Variants in PDE8A observed in about 807,000 individuals in gnomAD.
PDE8A encodes phosphodiesterase 8A.
A neutral mutation model predicts 105.0 loss-of-function variants in PDE8A; 59 were observed. The observed-to-expected ratio is 0.56, with a 90% CI of 0.46 to 0.70. The LOEUF is 0.70. Among genes scored for constraint, PDE8A ranks in the 30% least tolerant of loss-of-function variants. The probability of loss-of-function intolerance (pLI) is 0.00; values close to 1 mark genes in which losing one functional copy is unlikely to be tolerated. For synonymous variants in PDE8A, 355 were observed against 371.9 expected, an observed-to-expected ratio of 0.95 and a Z score of 0.52; for missense variants, 1,014 against 1,045.9, an observed-to-expected ratio of 0.97 and a Z score of 0.42.
At chr15:85,019,025 A>G (rs529856333) in intron 1 of PDE8A, among the ~76,000 whole-genome samples, 1 of 152,282 alleles carries the variant, frequency 6.6e-6, no homozygotes, top group East Asian at 1.9e-4. Context: ...CTAGCAGTAT[A>G]GTTACTTGGG....
At chr15:85,135,008 G>A (rs1284532582) in intron 20 of PDE8A, among the ~76,000 whole-genome samples, 2 of 152,194 alleles carry the variant, frequency 1.3e-5, no homozygotes, top group Non-Finnish European at 2.9e-5. Flanking sequence ...TGGGGGGAGA[G>A]AGATGCTGGG....
chr15:85,136,800 C>A, intron 21 of PDE8A, 137 bp downstream of exon 21: 1 of 799,654 alleles, frequency 1.3e-6, no homozygotes, highest in Non-Finnish European at 1.9e-6. Flanking sequence ...GAACCATCAC[C>A]GAGGGCCCCT....
intron 1 of PDE8A, among the ~76,000 whole-genome samples, chr15:85,057,045 C>G (rs145318392): frequency 1.7e-4 from 26 of 152,276 alleles, no homozygotes; most frequent in African/African-American, 6.0e-4. Context: ...CAGTCAGGAC[C>G]CTCAACTGCA....
At chr15:85,112,964 T>A (rs2082041162) in intron 12 of PDE8A, among the ~76,000 whole-genome samples, 1 of 152,164 alleles carries the variant, frequency 6.6e-6, no homozygotes, top group Admixed American at 6.5e-5. Flanking sequence ...TATTGGTGAG[T>A]TGAATGTATT....
chr15:85,079,625 G>T (rs1969101), intron 5 of PDE8A, among the ~76,000 whole-genome samples: 69,321 of 152,056 alleles, frequency 0.46, 15,866 homozygotes, highest in Middle Eastern at 0.54. Flanking sequence ...AGAAAGAATA[G>T]AAGCAGGCTG....
At chr15:85,082,863 A>G (rs1051338324) in intron 5 of PDE8A, among the ~76,000 whole-genome samples, 1 of 152,246 alleles carries the variant, frequency 6.6e-6, no homozygotes, top group African/African-American at 2.4e-5. Context: ...TGATGGTGGA[A>G]TGGGTCCATC....
chr15:84,993,626 C>T (rs993638558), intron 1 of PDE8A, among the ~76,000 whole-genome samples: 2 of 151,878 alleles, frequency 1.3e-5, no homozygotes, highest in Admixed American at 6.6e-5. Context: ...GCCTGTAAAT[C>T]CCAGCACTTT....
At chr15:85,084,994 T>C (rs2081528138) in intron 6 of PDE8A, among the ~76,000 whole-genome samples, 1 of 152,214 alleles carries the variant, frequency 6.6e-6, no homozygotes, top group Non-Finnish European at 1.5e-5. Flanking sequence ...ACCTGGATTA[T>C]TGAAACCACC....
intron 20 of PDE8A, among the ~76,000 whole-genome samples, chr15:85,128,029 T>TA (rs1464136384): frequency 7.7e-6 from 1 of 129,320 alleles, no homozygotes; most frequent in Non-Finnish European, 1.5e-5. Context: ...TAAGTGGTGT[T>TA]AGGATAATTG....
chr15:85,108,979 T>C (rs964144742), intron 11 of PDE8A, 74 bp from the exon 12 acceptor site: 1 of 1,063,138 alleles, frequency 9.4e-7, no homozygotes, highest in Non-Finnish European at 1.4e-6. Flanking sequence ...TTTAAAAAAA[T>C]TTTAGATTGG....
intron 20 of PDE8A, among the ~76,000 whole-genome samples, chr15:85,134,976 A>T (rs2082384689): frequency 6.6e-6 from 1 of 152,178 alleles, no homozygotes; most frequent in Non-Finnish European, 1.5e-5. Context: ...CAAGTGCCGG[A>T]GCTGGTGCCG....
chr15:85,042,160 GGTTT>G (rs2080820142), intron 1 of PDE8A, among the ~76,000 whole-genome samples: 1 of 151,938 alleles, frequency 6.6e-6, no homozygotes, highest in Non-Finnish European at 1.5e-5. Flanking sequence ...AAGACTCAGA[GGTTT>G]GTTTTTTGTT....
intron 1 of PDE8A, among the ~76,000 whole-genome samples, chr15:85,056,731 T>A (rs1318340568): frequency 1.3e-5 from 2 of 152,196 alleles, no homozygotes; most frequent in Non-Finnish European, 2.9e-5. Flanking sequence ...TCAAGGTTTT[T>A]AGCTTCTTTG....
chr15:85,044,396 A>T (rs1435180914), intron 1 of PDE8A, among the ~76,000 whole-genome samples: 1 of 152,200 alleles, frequency 6.6e-6, no homozygotes. Flanking sequence ...ACAGATAAAG[A>T]GTCTGGGAGA....
rs376582161 is a variant in PDE8A at position 85,138,051 on chromosome 15, CCTT to C, written c.*151_*153del. On this transcript the variant is annotated 3_prime_UTR_variant, in exon 22 of 22. Coordinates refer to ENST00000394553, the MANE Select transcript of PDE8A (RefSeq NM_002605.3). ...TGAAAGCCCACGGGGACATCAGTAACCTTCTGCAGCCACCATCCAATGCCATTA... is the reference window on the plus strand; with the variant it reads ...TGAAAGCCCACGGGGACATCAGTAACCTGCAGCCACCATCCAATGCCATTA... 7.2e-5 allele frequency: 41 copies of C among 571,286 alleles called. No individual in the cohort carries two copies. Among genetic ancestry groups the C allele is most frequent in the Non-Finnish European group, 1.1e-4 (35 of 318,718 alleles). 35.4% of individuals were successfully genotyped at this position (571,286 alleles called of 1,614,324 possible). A position where few individuals can be genotyped will look rare whatever the true frequency, so the allele number is the denominator to read the frequency against.
In PDE8A at chr15:85,133,923, G is replaced by A. The variant is rs778783499; in HGVS notation, c.2254-2611G>A. Among the ~76,000 whole-genome samples the A allele has an allele frequency of 5.9e-5, 9 of 152,172 alleles. No individual in the cohort carries two copies. In the East Asian group the frequency reaches 7.7e-4, roughly 13 times the overall value. ...TTGAGTACCACTTGCCTGGCTCTGTGCCAGGTGTTGTACAGTCTTTTATTT... is the reference window on the plus strand; with the variant it reads ...TTGAGTACCACTTGCCTGGCTCTGTACCAGGTGTTGTACAGTCTTTTATTT... On this transcript the variant is annotated intron_variant, in intron 20 of 21. Transcript: ENST00000394553.
Position 84,982,052 on chromosome 15 carries a change from CCGCCCAGGCGGCGATGACACGG to C in PDE8A, c.-105_-84del. ...ACGCGAGATCCGCGCTCGCCGCCGC[CCGCCCAGGCGGCGATGACACGG>C]CGCCCGCGGCGGCCCGGAGGCGCCG... On this transcript the variant is annotated 5_prime_UTR_variant, in exon 1 of 22. The change abolishes an upstream ATG in the 5' untranslated region. Transcript: ENST00000394553. 3.1e-5 allele frequency: 17 copies of C among 549,584 alleles called. No individual in the cohort carries two copies. The highest frequency in any genetic ancestry group is 4.4e-5 in the Non-Finnish European group (17 of 382,288). The allele number at this position is 549,584 out of a possible 1,614,324, so 34.0% of individuals were successfully genotyped here. A position where few individuals can be genotyped will look rare whatever the true frequency, so the allele number is the denominator to read the frequency against.
chr15:85,121,144 G>A (rs1457245506), intron 18 of PDE8A, 130 bp downstream of exon 18: 6 of 618,508 alleles, frequency 9.7e-6, no homozygotes, highest in Non-Finnish European at 1.6e-5. Flanking sequence ...GCCGGACATA[G>A]TGGCTCATGC....
chr15:85,090,718 C>T lies in PDE8A; in HGVS notation c.715-326C>T, dbSNP rs761372508. 4.1e-4 allele frequency: 189 copies of T among 460,036 alleles called. 1 individual carries two copies. The highest frequency in any genetic ancestry group is 6.1e-5 in the Non-Finnish European group (14 of 230,266). 28.5% of individuals were successfully genotyped at this position (460,036 alleles called of 1,614,324 possible). A position where few individuals can be genotyped will look rare whatever the true frequency, so the allele number is the denominator to read the frequency against. ...CCCACCCCCACCCCCATCTAAACAG[C>T]CCTGTTGTAGCAGCTCCTGGTTTGG... On this transcript the variant is annotated intron_variant, in intron 7 of 21. Coordinates refer to ENST00000394553, the MANE Select transcript of PDE8A (RefSeq NM_002605.3).
Sources: gnomAD v4.1 joint callset for allele counts (sites outside exome capture counted in the v4.1 genomes callset) on GRCh38, gnomAD v4.1.1 for gene constraint, MANE v1.5 for transcripts, NCBI Gene and HGNC (gene_info 2026-07-23, HGNC 2026-07-21) for gene names.